Variants in VWA8 observed in about 807,000 individuals in gnomAD.
VWA8 encodes the protein von Willebrand factor A domain-containing protein 8.
In VWA8, 221 loss-of-function variants were observed where a neutral mutation model predicts 241.5. That is an observed-to-expected ratio of 0.91 (90% CI 0.82 to 1.02). VWA8 has a LOEUF of 1.02. Ranked by LOEUF, VWA8 falls within the 50% of genes least tolerant of loss-of-function variation. The pLI is 0.00. For synonymous variants in VWA8, 852 were observed against 827.1 expected, an observed-to-expected ratio of 1.03 and a Z score of -0.52; for missense variants, 2,322 against 2,328.7, an observed-to-expected ratio of 1.00 and a Z score of 0.06.
chr13:41,573,474 TAAAAA>T (rs543021636), intron 43 of VWA8, among the ~76,000 whole-genome samples: 21 of 126,704 alleles, frequency 1.7e-4, no homozygotes, highest in African/African-American at 6.1e-4. Flanking sequence ...GGCTATAGTT[TAAAAA>T]AAAAAAAATA....
chr13:41,931,279 TAAAAAAA>T (rs67470859), intron 2 of VWA8, among the ~76,000 whole-genome samples: 2 of 90,328 alleles, frequency 2.2e-5, no homozygotes, highest in Non-Finnish European at 4.1e-5. Context: ...GACCCAGGGT[TAAAAAAA>T]AAAAAAAAAA....
Position 41,787,377 on chromosome 13 carries a change from G to T in VWA8, c.2170+60C>A. 4 of 1,313,428 alleles carry T rather than the reference G, an allele frequency of 3.0e-6. No individual in the cohort carries two copies. In the South Asian group the frequency reaches 4.8e-5, roughly 16 times the overall value. 81.4% of individuals were successfully genotyped at this position (1,313,428 alleles called of 1,614,324 possible). ...ATTTTAACTGGAATTAAAATAAACAGCATCAAATGTTTGTTAATTATTATT... is the reference window on the plus strand; with the variant it reads ...ATTTTAACTGGAATTAAAATAAACATCATCAAATGTTTGTTAATTATTATT... On this transcript the variant is annotated intron_variant, in intron 18 of 44. Transcript: ENST00000379310.
At chr13:41,629,615 A>G (rs2044714037) in intron 37 of VWA8, among the ~76,000 whole-genome samples, 1 of 152,030 alleles carries the variant, frequency 6.6e-6, no homozygotes, top group Non-Finnish European at 1.5e-5. Flanking sequence ...TCTTTCATAG[A>G]TATATACAAT....
chr13:41,881,804 C>T (rs1329386100), intron 9 of VWA8, among the ~76,000 whole-genome samples: 95 of 142,130 alleles, frequency 6.7e-4, no homozygotes, highest in African/African-American at 2.4e-3. Flanking sequence ...TAGGGGCGGC[C>T]GGGCAGAGGT....
At chr13:41,589,306 C>T (rs555747076) in intron 41 of VWA8, among the ~76,000 whole-genome samples, 171 of 152,214 alleles carry the variant, frequency 1.1e-3, no homozygotes, top group Middle Eastern at 3.4e-3. Context: ...TTCTTATTTT[C>T]TATATTTTTT....
At chr13:41,852,938 T>C (rs1402136762) in intron 12 of VWA8, among the ~76,000 whole-genome samples, 1 of 152,180 alleles carries the variant, frequency 6.6e-6, no homozygotes, top group Admixed American at 6.5e-5. Flanking sequence ...AGGTATTCTG[T>C]GGTTCCATAT....
intron 34 of VWA8, 101 bp downstream of exon 34, chr13:41,689,253 G>A: frequency 7.8e-7 from 1 of 1,280,624 alleles, no homozygotes; most frequent in Admixed American, 2.9e-5. Context: ...ATGTTTACCA[G>A]GAAATTATGT....
intron 2 of VWA8, chr13:41,926,378 A>G: frequency 1.8e-6 from 1 of 551,780 alleles, no homozygotes; most frequent in East Asian, 4.5e-5. Context: ...ATGAACTGGG[A>G]TTCCTAAAGA....
At chr13:41,695,760 G>A (rs937142648) in intron 29 of VWA8, among the ~76,000 whole-genome samples, 7 of 152,166 alleles carry the variant, frequency 4.6e-5, no homozygotes, top group Non-Finnish European at 2.9e-5. Context: ...ATATGAGGAG[G>A]CAAGATGCTG....
chr13:41,692,619 G>T (rs892376153), intron 30 of VWA8, among the ~76,000 whole-genome samples: 4 of 151,894 alleles, frequency 2.6e-5, no homozygotes, highest in African/African-American at 9.7e-5. Flanking sequence ...TTCTCTTATT[G>T]TTAGTCCAGT....
chr13:41,867,827 C>T (rs1311504448), intron 10 of VWA8, among the ~76,000 whole-genome samples: 2 of 151,690 alleles, frequency 1.3e-5, no homozygotes, highest in Non-Finnish European at 2.9e-5. Context: ...CAAGCCTGGG[C>T]AATATAGTAA....
At chr13:41,610,075 T>TTATC (rs1270487983) in intron 39 of VWA8, among the ~76,000 whole-genome samples, 6 of 152,200 alleles carry the variant, frequency 3.9e-5, no homozygotes, top group Non-Finnish European at 7.3e-5. Flanking sequence ...CAGAACACTC[T>TTATC]TATCTACCTG....
intron 8 of VWA8, 119 bp downstream of exon 8, chr13:41,885,801 C>T: frequency 1.4e-6 from 1 of 692,732 alleles, no homozygotes; most frequent in Non-Finnish European, 2.4e-6. Flanking sequence ...TAATCTCAGG[C>T]CTTACAATAT....
chr13:41,858,312 A>G (rs1052990374), intron 12 of VWA8, among the ~76,000 whole-genome samples: 1 of 152,222 alleles, frequency 6.6e-6, no homozygotes, highest in Non-Finnish European at 1.5e-5. Flanking sequence ...TATCATTATT[A>G]AAGAGAAACT....
chr13:41,907,778 C>T (rs1417359808), intron 3 of VWA8, 82 bp from the exon 4 acceptor site: 3 of 1,217,764 alleles, frequency 2.5e-6, no homozygotes, highest in Non-Finnish European at 3.6e-6. Context: ...CTGACAATGC[C>T]ATTGCCCATG....
intron 12 of VWA8, among the ~76,000 whole-genome samples, chr13:41,852,625 G>C (rs1295344309): frequency 1.3e-5 from 2 of 151,972 alleles, no homozygotes; most frequent in African/African-American, 2.4e-5. Flanking sequence ...ATTCTTAGTT[G>C]ATTTTTGTAT....
chr13:41,838,052 T>C (rs1317111345), intron 12 of VWA8, among the ~76,000 whole-genome samples: 1 of 152,188 alleles, frequency 6.6e-6, no homozygotes, highest in Non-Finnish European at 1.5e-5. Flanking sequence ...TTATGTTCTT[T>C]TGATTTGTAA....
intron 37 of VWA8, among the ~76,000 whole-genome samples, chr13:41,655,369 G>C (rs1323570332): frequency 6.6e-6 from 1 of 152,098 alleles, no homozygotes; most frequent in Non-Finnish European, 1.5e-5. Flanking sequence ...AATTACAGGC[G>C]TGAGCCACCA....
intron 12 of VWA8, among the ~76,000 whole-genome samples, chr13:41,848,114 T>C (rs761708596): frequency 6.6e-6 from 1 of 152,134 alleles, no homozygotes; most frequent in Non-Finnish European, 1.5e-5. Context: ...GGCTAAGAAA[T>C]GTGCCATGTT....
Sources: gnomAD v4.1 joint callset for allele counts (sites outside exome capture counted in the v4.1 genomes callset) on GRCh38, gnomAD v4.1.1 for gene constraint, MANE v1.5 for transcripts, NCBI Gene and HGNC (gene_info 2026-07-23, HGNC 2026-07-21) for gene names.